The following LRP2 variants were observed in gnomAD, a reference collection of about 807,000 sequenced individuals.
LRP2 encodes LDL receptor related protein 2, also known as low-density lipoprotein receptor-related protein 2.
A neutral mutation model predicts 531.0 loss-of-function variants in LRP2; 172 were observed. That is an observed-to-expected ratio of 0.32 (90% CI 0.29 to 0.37). LRP2 has a LOEUF of 0.37. Among genes scored for constraint, LRP2 ranks in the 10% least tolerant of loss-of-function variants. The pLI is 1.00. For missense variants in LRP2, 5,167 were observed against 5,868.3 expected (o/e 0.88, Z 3.90); for synonymous variants, 1,992 against 2,027.6 (o/e 0.98, Z 0.47).
At chr2:169,338,449 A>AAAGG (rs146499920) in intron 1 of LRP2, among the ~76,000 whole-genome samples, 8,846 of 151,088 alleles carry the variant, frequency 0.059, 368 homozygotes, top group Non-Finnish European at 0.087. Flanking sequence ...CGGAGGGAGG[A>AAAGG]AAGGAAGGAA....
intron 55 of LRP2, 29 bp from the exon 56 acceptor site, chr2:169,174,193 T>A: frequency 6.2e-7 from 1 of 1,614,022 alleles, no homozygotes; most frequent in South Asian, 1.1e-5. Context: ...GGTTATCAGC[T>A]TGGAAGGCAT....
Position 169,212,072 on chromosome 2 carries a change from G to T in LRP2, c.6176C>A (p.Ser2059Tyr). The T allele has an allele frequency of 6.2e-7, 1 of 1,614,062 alleles. No homozygotes were observed. The highest frequency in any genetic ancestry group is 8.5e-7 in the Non-Finnish European group (1 of 1,179,938). ...FKLNPDNRSCSPYNSFIVVSM... is the reference protein window; with the variant it reads ...FKLNPDNRSCYPYNSFIVVSM... ...AACAACAATGAAAGAGTTATATGGAGAGCAGGACCGATTATCAGGATTGAG... is the reference window on the plus strand; with the variant it reads ...AACAACAATGAAAGAGTTATATGGATAGCAGGACCGATTATCAGGATTGAG... Residue 2059 changes from serine (S) to tyrosine (Y), a missense_variant, in exon 37 of 79, where the codon TCT becomes TAT. By Grantham distance (144) the Ser-to-Tyr change is moderately radical (BLOSUM62 -2). Transcript: ENST00000649046.
In LRP2 at chr2:169,275,218, C is replaced by T; in HGVS notation, c.1793G>A (p.Gly598Asp). 6.2e-7 allele frequency: 1 copy of T among 1,613,494 alleles called. No homozygotes were observed. Among genetic ancestry groups the T allele is most frequent in the Admixed American group, 1.7e-5 (1 of 59,902 alleles). Residue 598 changes from glycine to aspartate, a missense_variant, in exon 14 of 79, where the codon GGC becomes GAC. Gly to Asp is a moderately conservative substitution (Grantham distance 94). This residue lies in a region of LRP2 where 2,811 missense variants were observed against 3,058.0 expected (regional missense o/e 0.92). Coordinates refer to ENST00000649046, the MANE Select transcript of LRP2 (RefSeq NM_004525.3). ...GIQRKTVVHG[G>D]SLIPHPFGVS... ...TCCAAAGGGATGAGGAATGAGGGAG[C>T]CTCCATGAACTACAGTCTTCCTGTT...
At chr2:169,309,450 A>T (rs1360906347) in intron 3 of LRP2, among the ~76,000 whole-genome samples, 1 of 152,232 alleles carries the variant, frequency 6.6e-6, no homozygotes, top group African/African-American at 2.4e-5. Context: ...ATGGCTAGCC[A>T]GTTTTCCCAA....
chr2:169,137,959 C>T (rs940771616), intron 75 of LRP2, among the ~76,000 whole-genome samples: 2 of 152,150 alleles, frequency 1.3e-5, no homozygotes, highest in Non-Finnish European at 2.9e-5. Flanking sequence ...TTTCCCAATA[C>T]TGATTACAGA....
rs571900316 is a variant in LRP2, at chr2:169,343,783, A to G, written c.79+18538T>C. 6.6e-5 allele frequency among the ~76,000 whole-genome samples: 10 copies of G among 152,288 alleles called. No individual in the cohort carries two copies. The South Asian group carries it at 2.1e-3, about 32-fold the overall frequency. Reference sequence around the variant, plus strand: ...TGGGGTATGGCCAGAAAGCTTCTATAATAATAGGAAGAGCCCAGAATTTTG... The same window carrying G: ...TGGGGTATGGCCAGAAAGCTTCTATGATAATAGGAAGAGCCCAGAATTTTG... On this transcript the variant is annotated intron_variant, in intron 1 of 78. Transcript: ENST00000649046.
At chr2:169,238,874 T>C (rs1033807584) in intron 26 of LRP2, among the ~76,000 whole-genome samples, 8 of 152,118 alleles carry the variant, frequency 5.3e-5, no homozygotes, top group Admixed American at 1.3e-4. Flanking sequence ...AGGATGTGAG[T>C]AGAAATTACG....
intron 1 of LRP2, among the ~76,000 whole-genome samples, chr2:169,327,695 C>T (rs1445076156): frequency 1.7e-5 from 2 of 117,568 alleles, no homozygotes; most frequent in East Asian, 3.0e-4. Flanking sequence ...CCGACCCATC[C>T]GGGAGGGAGG....
In LRP2 at chr2:169,188,010, G is replaced by A. The variant is rs755689893; in HGVS notation, c.9288C>T (p.His3096=). 1.9e-6 allele frequency: 3 copies of A among 1,614,096 alleles called. No homozygotes were observed. Among genetic ancestry groups the A allele is most frequent in the Non-Finnish European group, 2.5e-6 (3 of 1,180,020 alleles). Residue 3096 remains histidine (H), a synonymous_variant, in exon 49 of 79, where the codon CAC becomes CAT. Coordinates refer to ENST00000649046, the MANE Select transcript of LRP2 (RefSeq NM_004525.3). ...CGCTGTTGTCCAAACAGTCATCTAG[G>A]TGGTTGCAGAGTTTCATCATCTCGA... is the stretch of plus-strand genomic sequence containing the variant. The part of the protein sequence containing the change: ...RCIEMMKLCN[H]LDDCLDNSDE...
In LRP2 at chr2:169,187,080, T is replaced by C. The variant is rs183087055; in HGVS notation, c.9328+890A>G. 6.3e-3 allele frequency among the ~76,000 whole-genome samples: 965 copies of C among 152,242 alleles called. 3 individuals carry two copies. The highest frequency in any genetic ancestry group is 0.01 in the Non-Finnish European group (701 of 68,022). On this transcript the variant is annotated intron_variant, in intron 49 of 78. Transcript: ENST00000649046. ...ATTTTTAAATTTTTTTCTTTTTTTTTCTTCAACTTTTAAGTTCAGGGGTAC... is the reference window on the plus strand; with the variant it reads ...ATTTTTAAATTTTTTTCTTTTTTTTCCTTCAACTTTTAAGTTCAGGGGTAC...
At chr2:169,322,838 A>G (rs1684942620) in intron 1 of LRP2, among the ~76,000 whole-genome samples, 2 of 152,204 alleles carry the variant, frequency 1.3e-5, no homozygotes, top group Admixed American at 6.5e-5. Context: ...GCTATGGAGA[A>G]AAGAAAAATA....
intron 4 of LRP2, among the ~76,000 whole-genome samples, chr2:169,305,763 A>G (rs1684398858): frequency 6.6e-6 from 1 of 152,240 alleles, no homozygotes; most frequent in Non-Finnish European, 1.5e-5. Flanking sequence ...CGCATGGACT[A>G]CATGTACTAC....
rs1163346501 is a variant in LRP2, at chr2:169,270,923, C to G, written c.2301G>C (p.Lys767Asn). The change falls in exon 16 of 79, where the codon AAG becomes AAC. Residue 767 changes from lysine to asparagine, a missense_variant. Around this residue, in one of 6 missense-constraint regions of LRP2, gnomAD observed 2,811 missense variants for 3,058.0 expected, o/e 0.92. Transcript: ENST00000649046. ...FSDMSKHMIF[K>N]QKIDGTGREI... The stretch of plus-strand genomic sequence containing the variant: ...TCTCACCTGTGCCATCAATCTTTTG[C>G]TTAAAAATCATGTGTTTTGACATAT... The G allele has an allele frequency of 6.2e-6, 10 of 1,612,546 alleles. No individual in the cohort carries two copies. Among genetic ancestry groups the G allele is most frequent in the Non-Finnish European group, 8.5e-6 (10 of 1,179,350 alleles).
intron 1 of LRP2, among the ~76,000 whole-genome samples, chr2:169,327,006 G>A (rs1353763203): frequency 2.0e-5 from 3 of 150,596 alleles, no homozygotes; most frequent in Non-Finnish European, 3.0e-5. Context: ...GAAGTGAGGA[G>A]CCCCTCCGCC....
At chr2:169,224,566 G>C (rs1300235366) in intron 33 of LRP2, among the ~76,000 whole-genome samples, 1 of 152,160 alleles carries the variant, frequency 6.6e-6, no homozygotes, top group Non-Finnish European at 1.5e-5. Flanking sequence ...TCTAAGAACA[G>C]AGGCAAACTA....
chr2:169,316,651 T>A (rs761486163), intron 3 of LRP2, among the ~76,000 whole-genome samples: 16 of 152,114 alleles, frequency 1.1e-4, no homozygotes, highest in Admixed American at 3.9e-4. Context: ...CAAAGGTAGT[T>A]GAGTATACAA....
chr2:169,207,874 T>C lies in LRP2; in HGVS notation c.6470-624A>G, dbSNP rs563235259. ...TGAAGATAGTATAATAAGTAGAGAA[T>C]GACCACAAATTATTGATTTCATGTA... is the stretch of plus-strand genomic sequence containing the variant. On this transcript the variant is annotated intron_variant, in intron 38 of 78. Transcript: ENST00000649046. Among the ~76,000 whole-genome samples, 78 of 152,346 alleles carry C rather than the reference T, an allele frequency of 5.1e-4. 5 individuals are homozygous for C. In the South Asian group the frequency reaches 0.016, roughly 30 times the overall value.
chr2:169,309,317 G>T (rs1684522868), intron 3 of LRP2, among the ~76,000 whole-genome samples: 1 of 152,132 alleles, frequency 6.6e-6, no homozygotes, highest in Admixed American at 6.5e-5. Flanking sequence ...GTCCTGAATG[G>T]TATTGCCTAG....
At chr2:169,283,397 T>C (rs1683760073) in intron 9 of LRP2, among the ~76,000 whole-genome samples, 1 of 152,228 alleles carries the variant, frequency 6.6e-6, no homozygotes, top group Non-Finnish European at 1.5e-5. Context: ...TTTAGATTAA[T>C]TAAAATAAAA....
Sources: gnomAD v4.1 joint callset for allele counts (sites outside exome capture counted in the v4.1 genomes callset) on GRCh38, gnomAD v4.1.1 for gene constraint, gnomAD v4.1.1 regional missense constraint, MANE v1.5 for transcripts, NCBI Gene and HGNC (gene_info 2026-07-23, HGNC 2026-07-21) for gene names.